The following PIEZO2 variants were observed in gnomAD, a reference collection of about 807,000 sequenced individuals.
PIEZO2 encodes the protein piezo-type mechanosensitive ion channel component 2.
Under a neutral mutation model 337.3 loss-of-function variants are expected in PIEZO2, and 172 were observed. That is an observed-to-expected ratio of 0.51 (90% confidence interval 0.45 to 0.58). The LOEUF (loss-of-function observed/expected upper bound fraction) is 0.58, where lower values mean the gene tolerates loss of function less well. Among genes scored for constraint, PIEZO2 ranks in the 20% least tolerant of loss-of-function variants. The pLI is 0.00. For missense variants in PIEZO2, 3,028 were observed against 3,391.3 expected, an observed-to-expected ratio of 0.89 and a Z score of 2.66; for synonymous variants, 1,251 against 1,228.5, an observed-to-expected ratio of 1.02 and a Z score of -0.38.
intron 2 of PIEZO2, among the ~76,000 whole-genome samples, chr18:11,019,541 T>A (rs2036238460): frequency 6.6e-6 from 1 of 152,138 alleles, no homozygotes; most frequent in Admixed American, 6.5e-5. Context: ...CACTGAAGTG[T>A]CTCCTACTTA....
Position 10,950,510 on chromosome 18 carries a change from G to A in PIEZO2, c.286+29025C>T, listed in dbSNP as rs144466728. Among the ~76,000 whole-genome samples, 298 of 152,324 alleles carry A rather than the reference G, an allele frequency of 2.0e-3. 1 individual carries two copies. The highest frequency in any genetic ancestry group is 7.0e-3 in the African/African-American group (291 of 41,580). ...TTTCACTGTGATATCTGATCACCGG[G>A]TGAATATTACTTGTGTCTTTGGTTA... is the stretch of plus-strand genomic sequence containing the variant. On this transcript the variant is annotated intron_variant, in intron 3 of 55. Coordinates refer to ENST00000674853, the MANE Select transcript of PIEZO2 (RefSeq NM_001378183.1).
chr18:10,794,645 G>A lies in PIEZO2; in HGVS notation c.1758+127C>T, dbSNP rs575429473. 2.0e-3 allele frequency: 1,516 copies of A among 772,504 alleles called. 29 individuals carry two copies. The South Asian group carries it at 0.028, about 14-fold the overall frequency. The allele number at this position is 772,504 out of a possible 1,614,324, so 47.9% of individuals were successfully genotyped here. Reference sequence around the variant, plus strand: ...CGCAAACTGTTTCTTACAGTCTCATGTTTGTTCATTTTTACAAAGCAGTGA... The same window carrying A: ...CGCAAACTGTTTCTTACAGTCTCATATTTGTTCATTTTTACAAAGCAGTGA... On this transcript the variant is annotated intron_variant, in intron 13 of 55. Coordinates refer to ENST00000674853, the MANE Select transcript of PIEZO2 (RefSeq NM_001378183.1). This position sits in a 1 kb window ranked among gnomAD's most constrained non-coding sequence, Gnocchi z 6.6.
At position 10,731,398 on chromosome 18, in the gene PIEZO2, A is replaced by G. The variant is rs1294334983; in HGVS notation, c.5029+9T>C. 4 of 1,524,508 alleles carry G rather than the reference A, an allele frequency of 2.6e-6. No individual in the cohort carries two copies. The highest frequency in any genetic ancestry group is 2.6e-6 in the Non-Finnish European group (3 of 1,138,322). The allele number at this position is 1,524,508 out of a possible 1,614,324, so 94.4% of individuals were successfully genotyped here. A position where few individuals can be genotyped will look rare whatever the true frequency, so the allele number is the denominator to read the frequency against. The stretch of plus-strand genomic sequence containing the variant: ...CACACCCACCACAGCCACCCCACCC[A>G]CCACTCACCCTCCTTGGATCCTTTC... On this transcript the variant is annotated intron_variant, in intron 36 of 55. Transcript: ENST00000674853.
rs1390417827 is a variant in PIEZO2, at chr18:10,731,455, T to C, written c.4981A>G (p.Arg1661Gly). 9.8e-6 allele frequency: 15 copies of C among 1,528,626 alleles called. No homozygotes were observed. Among genetic ancestry groups the C allele is most frequent in the Non-Finnish European group, 1.3e-5 (15 of 1,141,360 alleles). The allele number at this position is 1,528,626 out of a possible 1,614,324, so 94.7% of individuals were successfully genotyped here. ...ALRQRHKEKK[R>G]SAREERKRRR... ...CGTTTCCGTTCTTCTCTTGCAGACC[T>C]TTTTTTCTCTTTGTGTCTTTGTCGG... Residue 1661 changes from arginine to glycine, a missense_variant, in exon 36 of 56, where the codon AGG (arginine) becomes GGG (glycine). Physicochemically the swap from Arg to Gly is moderately radical, Grantham distance 125. Around this residue, in one of 5 missense-constraint regions of PIEZO2, gnomAD observed 1,925 missense variants for 2,051.9 expected, o/e 0.94. Coordinates refer to ENST00000674853, the MANE Select transcript of PIEZO2 (RefSeq NM_001378183.1).
intron 7 of PIEZO2, among the ~76,000 whole-genome samples, chr18:10,835,298 G>A (rs1301370878): frequency 6.6e-6 from 1 of 150,576 alleles, no homozygotes; most frequent in South Asian, 2.1e-4. Context: ...TTTTGGTAAG[G>A]AGGTGGAAAA....
In PIEZO2 at chr18:10,726,446, G is replaced by A; in HGVS notation, c.5029+4961C>T. The A allele has an allele frequency of 2.0e-6, 3 of 1,529,938 alleles. No homozygotes were observed. The highest frequency in any genetic ancestry group is 2.6e-6 in the Non-Finnish European group (3 of 1,144,964). 94.8% of individuals were successfully genotyped at this position (1,529,938 alleles called of 1,614,324 possible). ...AGGGCCGGCTGCGGTACGGGCTACGGCCGGCGAACCCCACGAGGAGGGCCT... is the reference window on the plus strand; with the variant it reads ...AGGGCCGGCTGCGGTACGGGCTACGACCGGCGAACCCCACGAGGAGGGCCT... On this transcript the variant is annotated intron_variant, in intron 36 of 55. Transcript: ENST00000674853. This position sits in a 1 kb window ranked among gnomAD's most constrained non-coding sequence, Gnocchi z 5.9.
chr18:10,778,315 G>C (rs1023007683), intron 18 of PIEZO2, among the ~76,000 whole-genome samples: 10 of 151,190 alleles, frequency 6.6e-5, no homozygotes, highest in African/African-American at 2.2e-4. Flanking sequence ...CGTTTCCTTT[G>C]AGGCACAGCT....
chr18:11,041,889 T>C (rs760714450), intron 2 of PIEZO2, among the ~76,000 whole-genome samples: 1 of 152,130 alleles, frequency 6.6e-6, no homozygotes, highest in Admixed American at 6.5e-5. Flanking sequence ...TTGAAAACTA[T>C]CTCTAGGACT....
chr18:10,866,773 A>C (rs1042410520), intron 5 of PIEZO2, among the ~76,000 whole-genome samples: 2 of 152,222 alleles, frequency 1.3e-5, no homozygotes, highest in African/African-American at 2.4e-5. Context: ...GATAAATACC[A>C]AAACTTTCCA....
rs1272930446 is a variant in PIEZO2 at position 11,009,115 on chromosome 18, C to T, written c.161-29455G>A. Among the ~76,000 whole-genome samples, 1 of 152,220 alleles carries T rather than the reference C, an allele frequency of 6.6e-6. No individual in the cohort carries two copies. The highest frequency in any genetic ancestry group is 2.4e-5 in the African/African-American group (1 of 41,450). The stretch of plus-strand genomic sequence containing the variant: ...TCCTTCAGAATCTCTGTGACCTACC[C>T]TCTTGCTTCATACAATTGGTGATTG... On this transcript the variant is annotated intron_variant, in intron 2 of 55. Coordinates refer to ENST00000674853, the MANE Select transcript of PIEZO2 (RefSeq NM_001378183.1). The surrounding 1 kb of genome is among the most constrained non-coding windows in gnomAD (Gnocchi z 4.6).
At position 10,830,398 on chromosome 18, in the gene PIEZO2, C is replaced by A. The variant is rs998650497; in HGVS notation, c.918-23124G>T. Among the ~76,000 whole-genome samples the A allele has an allele frequency of 6.6e-6, 1 of 151,784 alleles. No individual in the cohort carries two copies. The highest frequency in any genetic ancestry group is 6.6e-5 in the Admixed American group (1 of 15,248). Reference sequence around the variant, plus strand: ...TGGGCAAAGATTTCTTGCATAATACCCCACAAGCACAGACAACCAATGCAA... The same window carrying A: ...TGGGCAAAGATTTCTTGCATAATACACCACAAGCACAGACAACCAATGCAA... On this transcript the variant is annotated intron_variant, in intron 7 of 55. Coordinates refer to ENST00000674853, the MANE Select transcript of PIEZO2 (RefSeq NM_001378183.1). This position sits in a 1 kb window ranked among gnomAD's most constrained non-coding sequence, Gnocchi z 4.7.
intron 27 of PIEZO2, among the ~76,000 whole-genome samples, chr18:10,753,689 T>C (rs2037732293): frequency 6.6e-6 from 1 of 152,226 alleles, no homozygotes. Flanking sequence ...TAATGGGTTC[T>C]TGTTCTGTAG....
At chr18:11,068,873 T>C (rs997671881) in intron 1 of PIEZO2, among the ~76,000 whole-genome samples, 1 of 152,112 alleles carries the variant, frequency 6.6e-6, no homozygotes, top group Non-Finnish European at 1.5e-5. Flanking sequence ...TAAAGGATTA[T>C]AAGAGATTTC....
At chr18:10,764,410 G>T (rs1261660024) in intron 21 of PIEZO2, among the ~76,000 whole-genome samples, 1 of 152,108 alleles carries the variant, frequency 6.6e-6, no homozygotes, top group Non-Finnish European at 1.5e-5. Context: ...GGGAGGCCAA[G>T]GTGGGTGGAT....
intron 1 of PIEZO2, among the ~76,000 whole-genome samples, chr18:11,147,208 T>C (rs1025696239): frequency 2.6e-5 from 4 of 152,114 alleles, no homozygotes; most frequent in African/African-American, 9.7e-5. Context: ...CGAGTGAGAC[T>C]AGACCCCTGC....
At position 10,931,713 on chromosome 18, in the gene PIEZO2, T is replaced by TGTGTGTGTGTGTGA. The variant is rs1004023756; in HGVS notation, c.287-20486_287-20485insTCACACACACACAC. On this transcript the variant is annotated intron_variant, in intron 3 of 55. Transcript: ENST00000674853. ...TCTCTGTGTGGTGTGTGTGTGTGTG[T>TGTGTGTGTGTGTGA]GAGAGAGAGAGAGAGAGAGAGAGAG... Among the ~76,000 whole-genome samples, 21 of 147,858 alleles carry TGTGTGTGTGTGTGA rather than the reference T, an allele frequency of 1.4e-4. No individual in the cohort carries two copies. In the South Asian group the frequency reaches 2.4e-3, roughly 17 times the overall value.
chr18:10,974,404 C>T (rs1319198581), intron 3 of PIEZO2, among the ~76,000 whole-genome samples: 1 of 152,180 alleles, frequency 6.6e-6, no homozygotes, highest in African/African-American at 2.4e-5. Flanking sequence ...TTGGGGGAAG[C>T]TGAATCCAAC....
intron 7 of PIEZO2, among the ~76,000 whole-genome samples, chr18:10,826,905 T>C (rs1032811985): frequency 6.6e-6 from 1 of 152,214 alleles, no homozygotes; most frequent in South Asian, 2.1e-4. Flanking sequence ...ACTGATCTGT[T>C]TGCCATCTCT....
rs1210404394 is a variant in PIEZO2 at position 11,031,076 on chromosome 18, G to A, written c.160+35051C>T. 6.6e-6 allele frequency among the ~76,000 whole-genome samples: 1 copy of A among 151,990 alleles called. No homozygotes were observed. Among genetic ancestry groups the A allele is most frequent in the East Asian group, 1.9e-4 (1 of 5,172 alleles). ...GTGATCTTGGCTCATTGCAAACGCC[G>A]CCTCCCGGGTTCACACCATTCTCCT... On this transcript the variant is annotated intron_variant, in intron 2 of 55. Coordinates refer to ENST00000674853, the MANE Select transcript of PIEZO2 (RefSeq NM_001378183.1). This position sits in a 1 kb window ranked among gnomAD's most constrained non-coding sequence, Gnocchi z 4.7.
Sources: allele counts gnomAD v4.1 joint callset (sites outside exome capture counted in the v4.1 genomes callset), GRCh38; gene constraint gnomAD v4.1.1; regional missense constraint gnomAD v4.1.1; non-coding constraint Gnocchi (gnomAD v3.1); transcripts MANE v1.5; gene names NCBI Gene and HGNC (gene_info 2026-07-23, HGNC 2026-07-21).